The following DENND2A variants were observed in gnomAD, a reference collection of about 807,000 sequenced individuals.
The protein encoded by DENND2A is DENN domain containing 2A.
Under a neutral mutation model 105.3 loss-of-function variants are expected in DENND2A, and 53 were observed. The ratio of observed to expected loss-of-function variants is 0.50; its 90% confidence interval spans 0.40 to 0.63. The LOEUF is 0.63. DENND2A is among the 30% of genes least tolerant of loss of function. The pLI is 0.00. For synonymous variants in DENND2A, 522 were observed against 508.4 expected (o/e 1.03, Z -0.36); for missense variants, 1,138 against 1,279.6 (o/e 0.89, Z 1.69).
intron 9 of DENND2A, among the ~76,000 whole-genome samples, chr7:140,560,534 A>G (rs2130573782): frequency 6.6e-6 from 1 of 152,266 alleles, no homozygotes; most frequent in African/African-American, 2.4e-5. Flanking sequence ...TTGTTAAAGA[A>G]CAGGAGGAGT....
At chr7:140,553,753 C>T (rs1797240599) in intron 12 of DENND2A, among the ~76,000 whole-genome samples, 1 of 152,192 alleles carries the variant, frequency 6.6e-6, no homozygotes, top group Admixed American at 6.5e-5. Flanking sequence ...TCTTGCACCG[C>T]CCTTAATCCA....
intron 1 of DENND2A, among the ~76,000 whole-genome samples, chr7:140,619,343 A>G (rs931941036): frequency 2.0e-5 from 3 of 151,670 alleles, no homozygotes; most frequent in Admixed American, 6.6e-5. Flanking sequence ...AGAGACAGAA[A>G]GTAGGCTGGT....
intron 1 of DENND2A, among the ~76,000 whole-genome samples, chr7:140,627,252 C>T (rs985809625): frequency 6.6e-6 from 1 of 152,094 alleles, no homozygotes; most frequent in African/African-American, 2.4e-5. Context: ...TGCTCTGTCA[C>T]CCAGGTTGGA....
intron 1 of DENND2A, among the ~76,000 whole-genome samples, chr7:140,621,488 G>T (rs893772580): frequency 1.3e-5 from 2 of 150,340 alleles, no homozygotes; most frequent in Non-Finnish European, 3.0e-5. Flanking sequence ...AACACCCTAG[G>T]CATAACTACA....
intron 8 of DENND2A, among the ~76,000 whole-genome samples, chr7:140,567,948 T>G (rs1200121839): frequency 1.3e-5 from 2 of 152,152 alleles, no homozygotes; most frequent in Non-Finnish European, 1.5e-5. Context: ...TGGACTTGCT[T>G]TCTTTTTTTT....
chr7:140,578,960 G>T (rs1320690321), intron 5 of DENND2A, among the ~76,000 whole-genome samples: 1 of 152,194 alleles, frequency 6.6e-6, no homozygotes, highest in East Asian at 1.9e-4. Context: ...GGGATACCGT[G>T]CAGGCAATAA....
At chr7:140,621,399 C>G (rs1681777) in intron 1 of DENND2A, among the ~76,000 whole-genome samples, 1 of 149,482 alleles carries the variant, frequency 6.7e-6, no homozygotes, top group East Asian at 1.9e-4. Flanking sequence ...CTAAATGCTA[C>G]GTAAATAGTT....
In DENND2A at chr7:140,527,368, C is replaced by G. The variant is rs746618150; in HGVS notation, c.2455G>C (p.Gly819Arg). The change falls in exon 15 of 20, where the codon GGG becomes CGG. Residue 819 changes from glycine to arginine, a missense_variant. Physicochemically the swap from Gly to Arg is moderately radical, Grantham distance 125. Coordinates refer to ENST00000496613, the MANE Select transcript of DENND2A (RefSeq NM_015689.5). This position sits in a 1 kb window ranked among gnomAD's most constrained non-coding sequence, Gnocchi z 4.9. ...AGTGGCAGCGAGCTGGAGAGCAGCC[C>G]GATGAGGAAGGGCGTCGGCGAGCAC... is the stretch of plus-strand genomic sequence containing the variant. Reference protein sequence around the residue: ...IVCSPTPFLIGLLSSSLPLLR... With the variant: ...IVCSPTPFLIRLLSSSLPLLR... The G allele has an allele frequency of 1.9e-6, 3 of 1,604,338 alleles. No individual in the cohort carries two copies. Among genetic ancestry groups the G allele is most frequent in the Non-Finnish European group, 2.5e-6 (3 of 1,176,940 alleles).
chr7:140,625,860 C>T (rs1004826899), intron 1 of DENND2A, among the ~76,000 whole-genome samples: 5 of 152,130 alleles, frequency 3.3e-5, no homozygotes, highest in African/African-American at 1.2e-4. Context: ...GTTATTTATA[C>T]ATTTTTTATT....
At chr7:140,628,336 T>C (rs189862829) in intron 1 of DENND2A, among the ~76,000 whole-genome samples, 4 of 152,298 alleles carry the variant, frequency 2.6e-5, no homozygotes, top group African/African-American at 9.6e-5. Flanking sequence ...CTGGCTATGG[T>C]GCCAACTGTG....
In DENND2A at chr7:140,558,177, C is replaced by T; in HGVS notation, c.1925G>A (p.Gly642Glu). 10 of 1,613,652 alleles carry T rather than the reference C, an allele frequency of 6.2e-6. No homozygotes were observed. Among genetic ancestry groups the T allele is most frequent in the Non-Finnish European group, 8.5e-6 (10 of 1,179,612 alleles). ...TCGGCAGTAACCGAACCTTCTGCTCCCATCTTCTCCAGTTAAGACAAATGA... is the reference window on the plus strand; with the variant it reads ...TCGGCAGTAACCGAACCTTCTGCTCTCATCTTCTCCAGTTAAGACAAATGA... ...TFSFVLTGED[G>E]SRRFGYCRRL... is the part of the protein sequence containing the mutation. Residue 642 changes from glycine to glutamate, a missense_variant, in exon 11 of 20, where the codon GGG becomes GAG. Physicochemically the swap from Gly to Glu is moderately conservative, Grantham distance 98 (BLOSUM62 -2). Transcript: ENST00000496613.
chr7:140,580,427 C>T (rs752327583), intron 5 of DENND2A, among the ~76,000 whole-genome samples: 10 of 152,154 alleles, frequency 6.6e-5, no homozygotes, highest in Non-Finnish European at 1.3e-4. Context: ...TCAAGTGAAT[C>T]TCCCATGTCA....
intron 9 of DENND2A, among the ~76,000 whole-genome samples, chr7:140,564,830 C>A (rs1296619730): frequency 6.6e-6 from 1 of 152,186 alleles, no homozygotes; most frequent in Non-Finnish European, 1.5e-5. Context: ...GGCCCCAAGG[C>A]AATGAACAGG....
chr7:140,635,356 C>G (rs866265335), intron 1 of DENND2A, among the ~76,000 whole-genome samples: 3 of 152,150 alleles, frequency 2.0e-5, no homozygotes, highest in Non-Finnish European at 4.4e-5. Flanking sequence ...AGTAAACCTA[C>G]AATTTTTAAG....
chr7:140,626,364 C>T (rs527308324), intron 1 of DENND2A, among the ~76,000 whole-genome samples: 1 of 152,266 alleles, frequency 6.6e-6, no homozygotes, highest in East Asian at 1.9e-4. Context: ...TGAAGGCTTT[C>T]CTGCTGTTGG....
intron 11 of DENND2A, among the ~76,000 whole-genome samples, chr7:140,557,455 A>G (rs995960162): frequency 2.1e-5 from 3 of 144,074 alleles, no homozygotes; most frequent in African/African-American, 5.0e-5. Context: ...CCACCTACCA[A>G]TAAGACTCAG....
In DENND2A at chr7:140,584,124, C is replaced by T. The variant is rs180805531; in HGVS notation, c.1245+1465G>A. On this transcript the variant is annotated intron_variant, in intron 5 of 19. Coordinates refer to ENST00000496613, the MANE Select transcript of DENND2A (RefSeq NM_015689.5). ...AGGCGTGGAGGCGCATGCCTGTAAT[C>T]CCAGCTACTTGGGAGGCTAAGGCAG... 1.4e-3 allele frequency among the ~76,000 whole-genome samples: 206 copies of T among 149,874 alleles called. 3 individuals carry two copies. The highest frequency in any genetic ancestry group is 2.2e-3 in the Admixed American group (33 of 15,160).
At chr7:140,590,852 G>A (rs1392092409) in intron 3 of DENND2A, among the ~76,000 whole-genome samples, 1 of 149,522 alleles carries the variant, frequency 6.7e-6, no homozygotes, top group Non-Finnish European at 1.5e-5. Flanking sequence ...CAGCCTGGGT[G>A]AGAGAGTGAG....
At chr7:140,596,520 A>G (rs1250409933) in intron 3 of DENND2A, among the ~76,000 whole-genome samples, 1 of 152,202 alleles carries the variant, frequency 6.6e-6, no homozygotes, top group African/African-American at 2.4e-5. Flanking sequence ...GGGGATCCGT[A>G]TCAGTCCCAT....
Sources: allele counts gnomAD v4.1 joint callset (sites outside exome capture counted in the v4.1 genomes callset), GRCh38; gene constraint gnomAD v4.1.1; non-coding constraint Gnocchi (gnomAD v3.1); transcripts MANE v1.5; gene names NCBI Gene and HGNC (gene_info 2026-07-23, HGNC 2026-07-21).